SPOCK3: variants seen among roughly 807,000 people sequenced by gnomAD.
The protein encoded by SPOCK3 is testican-3.
SPOCK3 carries 30 observed loss-of-function variants against 56.6 expected under a neutral mutation model. The observed-to-expected ratio is 0.53, with a 90% CI of 0.40 to 0.72. SPOCK3 has a LOEUF of 0.72. Among genes scored for constraint, SPOCK3 ranks in the 30% least tolerant of loss-of-function variants. The probability of loss-of-function intolerance (pLI) is 0.00; values close to 1 mark genes in which losing one functional copy is unlikely to be tolerated. For synonymous variants in SPOCK3, 196 were observed against 183.3 expected (o/e 1.07, Z -0.56); for missense variants, 527 against 530.0 (o/e 0.99, Z 0.06).
intron 2 of SPOCK3, among the ~76,000 whole-genome samples, chr4:167,106,858 T>TG (rs1443510178): frequency 6.6e-6 from 1 of 151,622 alleles, no homozygotes; most frequent in Non-Finnish European, 1.5e-5. Flanking sequence ...GGATCATTAG[T>TG]GGCTACTATG....
intron 4 of SPOCK3, among the ~76,000 whole-genome samples, chr4:166,950,373 C>A (rs953447861): frequency 1.3e-5 from 2 of 151,320 alleles, no homozygotes; most frequent in African/African-American, 4.9e-5. Context: ...ATCAATTCAA[C>A]AAGAAGAGCT....
At chr4:167,096,509 G>A (rs190629499) in intron 2 of SPOCK3, among the ~76,000 whole-genome samples, 30 of 151,668 alleles carry the variant, frequency 2.0e-4, no homozygotes, top group African/African-American at 6.3e-4. Flanking sequence ...CTTCTCCTTT[G>A]ACCCATATGT....
intron 4 of SPOCK3, among the ~76,000 whole-genome samples, chr4:166,925,088 T>C (rs1457703731): frequency 6.6e-6 from 1 of 152,180 alleles, no homozygotes; most frequent in African/African-American, 2.4e-5. Flanking sequence ...TATATATTAC[T>C]ATGGCATGGC....
chr4:167,212,815 T>A (rs1002555306), intron 2 of SPOCK3, among the ~76,000 whole-genome samples: 2 of 152,204 alleles, frequency 1.3e-5, no homozygotes, highest in African/African-American at 2.4e-5. Flanking sequence ...TCCAATTTGC[T>A]TACATAATGT....
intron 6 of SPOCK3, among the ~76,000 whole-genome samples, chr4:166,850,587 C>T (rs940395172): frequency 3.3e-5 from 5 of 152,118 alleles, no homozygotes; most frequent in South Asian, 2.1e-4. Flanking sequence ...TGCCAGACAG[C>T]GGGGGCAGGT....
chr4:166,951,436 A>G (rs1742609797), intron 4 of SPOCK3, among the ~76,000 whole-genome samples: 2 of 142,062 alleles, frequency 1.4e-5, no homozygotes, highest in African/African-American at 5.8e-5. Flanking sequence ...TGAGGCAAGA[A>G]TCAATAGCTT....
intron 7 of SPOCK3, among the ~76,000 whole-genome samples, chr4:166,772,191 CATTTA>C (rs939507162): frequency 6.6e-6 from 1 of 151,970 alleles, no homozygotes; most frequent in Non-Finnish European, 1.5e-5. Flanking sequence ...ACTTTTTTCA[CATTTA>C]AGATTTTAGA....
At chr4:166,913,455 A>G (rs918055698) in intron 4 of SPOCK3, among the ~76,000 whole-genome samples, 7 of 152,172 alleles carry the variant, frequency 4.6e-5, no homozygotes, top group African/African-American at 1.7e-4. Flanking sequence ...CTTGAAAGTT[A>G]GAAAAAAAAT....
intron 2 of SPOCK3, among the ~76,000 whole-genome samples, chr4:167,099,330 T>G (rs1284845503): frequency 6.6e-6 from 1 of 152,006 alleles, no homozygotes; most frequent in Non-Finnish European, 1.5e-5. Context: ...ACAGCATATA[T>G]AATTCCTGAT....
chr4:167,189,216 T>C (rs1330696396), intron 2 of SPOCK3, among the ~76,000 whole-genome samples: 1 of 145,682 alleles, frequency 6.9e-6, no homozygotes, highest in African/African-American at 2.6e-5. Flanking sequence ...CACCCAACAA[T>C]ATATAATAAG....
chr4:166,754,315 A>T, intron 8 of SPOCK3, 193 bp downstream of exon 8: 2 of 1,313,416 alleles, frequency 1.5e-6, no homozygotes, highest in Non-Finnish European at 1.9e-6. Flanking sequence ...TTTTCATCTT[A>T]TTTAGCATGT....
At chr4:166,901,324 GGA>G (rs2127056492) in intron 5 of SPOCK3, among the ~76,000 whole-genome samples, 1 of 152,236 alleles carries the variant, frequency 6.6e-6, no homozygotes, top group African/African-American at 2.4e-5. Context: ...ACAGCAGGCT[GGA>G]GAGCCATATT....
intron 4 of SPOCK3, among the ~76,000 whole-genome samples, chr4:166,954,965 C>A (rs1024196078): frequency 6.6e-6 from 1 of 152,122 alleles, no homozygotes; most frequent in Admixed American, 6.6e-5. Context: ...TGAGACTCAT[C>A]ATTGTTGACT....
At chr4:167,099,004 G>A (rs1759405393) in intron 2 of SPOCK3, among the ~76,000 whole-genome samples, 1 of 151,902 alleles carries the variant, frequency 6.6e-6, no homozygotes, top group Admixed American at 6.6e-5. Context: ...CTAGAAGGAA[G>A]GGATCAGCAT....
At chr4:166,891,231 G>C (rs1168217273) in intron 5 of SPOCK3, among the ~76,000 whole-genome samples, 2 of 151,828 alleles carry the variant, frequency 1.3e-5, no homozygotes, top group African/African-American at 2.4e-5. Context: ...GACTTCTTTG[G>C]TGGCTACTGC....
At chr4:166,949,653 C>T (rs147293656) in intron 4 of SPOCK3, among the ~76,000 whole-genome samples, 1 of 152,028 alleles carries the variant, frequency 6.6e-6, no homozygotes, top group African/African-American at 2.4e-5. Context: ...TGCAGAACAG[C>T]GGTTTTTCAT....
rs1762038861 is a variant in SPOCK3 at position 167,123,557 on chromosome 4, T to C, written c.190-61020A>G. On this transcript the variant is annotated intron_variant, in intron 2 of 10. Transcript: ENST00000357545. ...TAGTTTACAATAGCCATTATCTGTC[T>C]GTACCAAGATGTTCCATGGTTCTAG... is the stretch of plus-strand genomic sequence containing the variant. Among the ~76,000 whole-genome samples the C allele has an allele frequency of 2.0e-5, 3 of 152,188 alleles. No homozygotes were observed. In the South Asian group the frequency reaches 6.2e-4, roughly 32 times the overall value.
At chr4:166,988,560 A>G (rs1195623658) in intron 4 of SPOCK3, among the ~76,000 whole-genome samples, 1 of 152,230 alleles carries the variant, frequency 6.6e-6, no homozygotes, top group Non-Finnish European at 1.5e-5. Context: ...GGTTTCAATA[A>G]TAATATGTGG....
intron 6 of SPOCK3, among the ~76,000 whole-genome samples, chr4:166,848,881 T>C (rs1022804870): frequency 1.3e-5 from 2 of 152,208 alleles, no homozygotes; most frequent in East Asian, 1.9e-4. Flanking sequence ...ACATGGATAA[T>C]TTTGTTTACT....
Sources: allele counts gnomAD v4.1 joint callset (sites outside exome capture counted in the v4.1 genomes callset), GRCh38; gene constraint gnomAD v4.1.1; transcripts MANE v1.5; gene names NCBI Gene and HGNC (gene_info 2026-07-23, HGNC 2026-07-21).